The following ARHGEF3 variants were observed in gnomAD, a reference collection of about 807,000 sequenced individuals.
ARHGEF3 encodes Rho guanine nucleotide exchange factor 3.
ARHGEF3 carries 28 observed loss-of-function variants against 63.2 expected under a neutral mutation model. The observed-to-expected ratio is 0.44, with a 90% CI of 0.33 to 0.61. The LOEUF (loss-of-function observed/expected upper bound fraction) is 0.61. Among genes scored for constraint, ARHGEF3 ranks in the 20% least tolerant of loss-of-function variants. ARHGEF3 has a pLI of 0.03. For synonymous variants in ARHGEF3, 266 were observed against 254.2 expected, an observed-to-expected ratio of 1.05 and a Z score of -0.44; for missense variants, 533 against 659.3, an observed-to-expected ratio of 0.81 and a Z score of 2.10.
chr3:56,795,201 C>T (rs2107937822), intron 1 of ARHGEF3, among the ~76,000 whole-genome samples: 1 of 152,128 alleles, frequency 6.6e-6, no homozygotes, highest in Non-Finnish European at 1.5e-5. Flanking sequence ...TACAGAGGGC[C>T]AACTGTATAC....
intron 6 of ARHGEF3, among the ~76,000 whole-genome samples, chr3:56,747,209 A>T (rs2034443565): frequency 6.6e-6 from 1 of 152,194 alleles, no homozygotes. Flanking sequence ...AGATCTGGAA[A>T]TGCCCAATGT....
At chr3:57,067,145 CAACCCAGAAAGAAT>C (rs1282133160) in intron 1 of ARHGEF3, among the ~76,000 whole-genome samples, 1 of 152,086 alleles carries the variant, frequency 6.6e-6, no homozygotes, top group Admixed American at 6.6e-5. Context: ...CAAAATATGG[CAACCCAGAAAGAAT>C]AACATTTGTC....
chr3:56,866,608 A>G (rs1322750968), intron 4 of ARHGEF3, among the ~76,000 whole-genome samples: 1 of 152,260 alleles, frequency 6.6e-6, no homozygotes, highest in East Asian at 1.9e-4. Flanking sequence ...TGTAACAGCT[A>G]GAACATATTC....
intron 3 of ARHGEF3, among the ~76,000 whole-genome samples, chr3:56,935,110 G>A (rs1315603910): frequency 3.3e-5 from 5 of 151,968 alleles, no homozygotes; most frequent in Non-Finnish European, 5.9e-5. Flanking sequence ...TACACCAATT[G>A]GCAGTCTGTA....
intron 4 of ARHGEF3, among the ~76,000 whole-genome samples, chr3:56,752,085 T>C (rs922079413): frequency 1.8e-4 from 28 of 151,712 alleles, no homozygotes; most frequent in Admixed American, 1.8e-3. Context: ...TTTTTTTCTT[T>C]TTTTTTTTGT....
chr3:56,759,159 T>A (rs2035270808), intron 2 of ARHGEF3, among the ~76,000 whole-genome samples: 1 of 151,918 alleles, frequency 6.6e-6, no homozygotes, highest in African/African-American at 2.4e-5. Context: ...TTTGTTAACA[T>A]TCATAGAAAA....
intron 4 of ARHGEF3, among the ~76,000 whole-genome samples, chr3:56,872,028 C>G (rs6775150): frequency 0.58 from 87,501 of 152,032 alleles, 25,273 homozygotes; most frequent in African/African-American, 0.61. Flanking sequence ...AGGTGTATTA[C>G]TTATTAGACT....
At chr3:57,022,147 G>A (rs1274075129) in intron 2 of ARHGEF3, among the ~76,000 whole-genome samples, 2 of 152,118 alleles carry the variant, frequency 1.3e-5, no homozygotes, top group Admixed American at 1.3e-4. Context: ...GGTGGCATGT[G>A]TCTGTAGTCC....
intron 6 of ARHGEF3, among the ~76,000 whole-genome samples, chr3:56,746,151 A>T (rs986323338): frequency 6.6e-6 from 1 of 152,204 alleles, no homozygotes; most frequent in Non-Finnish European, 1.5e-5. Context: ...TCTAAGAGCT[A>T]TCAGCCTCCA....
At chr3:56,748,678 C>T (rs1336933458) in intron 6 of ARHGEF3, among the ~76,000 whole-genome samples, 6 of 150,820 alleles carry the variant, frequency 4.0e-5, no homozygotes, top group Non-Finnish European at 7.4e-5. Flanking sequence ...ATTGAAAAAA[C>T]GTTGGCATAG....
At chr3:56,833,924 C>CCG (rs1553763991) in intron 4 of ARHGEF3, among the ~76,000 whole-genome samples, 1 of 150,612 alleles carries the variant, frequency 6.6e-6, no homozygotes, top group African/African-American at 2.5e-5. Flanking sequence ...GTTTTCCCCC[C>CCG]CCAATTTTTA....
At chr3:56,924,673 T>C (rs1303083660) in intron 3 of ARHGEF3, among the ~76,000 whole-genome samples, 1 of 152,166 alleles carries the variant, frequency 6.6e-6, no homozygotes, top group Non-Finnish European at 1.5e-5. Flanking sequence ...ATGGCACTGG[T>C]GGGAGTGTAG....
At chr3:56,787,978 G>A (rs1322251884) in intron 1 of ARHGEF3, among the ~76,000 whole-genome samples, 1 of 152,118 alleles carries the variant, frequency 6.6e-6, no homozygotes, top group Non-Finnish European at 1.5e-5. Context: ...CCTAAACCAG[G>A]GAGGAACCCT....
At chr3:57,007,723 T>G (rs1174469740) in intron 2 of ARHGEF3, among the ~76,000 whole-genome samples, 1 of 152,188 alleles carries the variant, frequency 6.6e-6, no homozygotes, top group Non-Finnish European at 1.5e-5. Context: ...ATCAGTTTTC[T>G]TCAAGAGACT....
chr3:56,745,859 G>T (rs1485471206), intron 6 of ARHGEF3, among the ~76,000 whole-genome samples: 1 of 152,150 alleles, frequency 6.6e-6, no homozygotes, highest in African/African-American at 2.4e-5. Flanking sequence ...TTTTAGTAGA[G>T]ATGGGGTTTC....
chr3:56,934,691 T>C (rs895386090), intron 3 of ARHGEF3, among the ~76,000 whole-genome samples: 4 of 152,220 alleles, frequency 2.6e-5, no homozygotes, highest in Non-Finnish European at 4.4e-5. Flanking sequence ...CAGGCCTTAG[T>C]TGCCCTCCCA....
intron 1 of ARHGEF3, among the ~76,000 whole-genome samples, chr3:56,787,340 T>C (rs538376189): frequency 1.2e-4 from 18 of 152,270 alleles, no homozygotes; most frequent in African/African-American, 4.3e-4. Flanking sequence ...TGCGATTAAA[T>C]AAATTATACC....
chr3:56,747,064 C>CAGAGAGAGAGAGAGAGAGAGAG (rs5849167), intron 6 of ARHGEF3, among the ~76,000 whole-genome samples: 46 of 148,266 alleles, frequency 3.1e-4, no homozygotes, highest in African/African-American at 1.1e-3. Flanking sequence ...CACACACACA[C>CAGAGAGAGAGAGAGAGAGAGAG]AGAGAGAGAG....
intron 2 of ARHGEF3, among the ~76,000 whole-genome samples, chr3:56,769,454 A>G (rs557771316): frequency 6.6e-6 from 1 of 152,382 alleles, no homozygotes; most frequent in East Asian, 1.9e-4. Context: ...AGAAGCAGAT[A>G]GAGAGCCATG....
Sources: gnomAD v4.1 joint callset for allele counts (sites outside exome capture counted in the v4.1 genomes callset) on GRCh38, gnomAD v4.1.1 for gene constraint, MANE v1.5 for transcripts, NCBI Gene and HGNC (gene_info 2026-07-23, HGNC 2026-07-21) for gene names.